MGAT4C: variants seen among roughly 807,000 people sequenced by gnomAD.
MGAT4C encodes MGAT4 family member C, also known as alpha-1,3-mannosyl-glycoprotein 4-beta-N-acetylglucosaminyltransferase C.
Under a neutral mutation model 40.1 loss-of-function variants are expected in MGAT4C, and 19 were observed. That is an observed-to-expected ratio of 0.47 (90% CI 0.33 to 0.70). The LOEUF (loss-of-function observed/expected upper bound fraction) is 0.70. Among genes scored for constraint, MGAT4C ranks in the 30% least tolerant of loss-of-function variants. The pLI, the probability that MGAT4C is intolerant of heterozygous loss-of-function variation, is 0.02. For synonymous variants in MGAT4C, 181 were observed against 187.1 expected, an observed-to-expected ratio of 0.97 and a Z score of 0.27; for missense variants, 491 against 563.2, an observed-to-expected ratio of 0.87 and a Z score of 1.30.
intron 3 of MGAT4C, among the ~76,000 whole-genome samples, chr12:86,363,300 T>C (rs1351388615): frequency 2.6e-5 from 4 of 152,078 alleles, no homozygotes; most frequent in East Asian, 3.8e-4. Flanking sequence ...TTGTAATCAA[T>C]AATAGAAAAT....
intron 2 of MGAT4C, among the ~76,000 whole-genome samples, chr12:86,484,226 G>T (rs945467992): frequency 2.0e-5 from 3 of 152,150 alleles, no homozygotes; most frequent in Non-Finnish European, 4.4e-5. Flanking sequence ...TTCTGAGGTA[G>T]CTGCAGTGGA....
intron 3 of MGAT4C, among the ~76,000 whole-genome samples, chr12:86,414,502 G>T (rs1236373862): frequency 6.6e-6 from 1 of 152,032 alleles, no homozygotes; most frequent in Non-Finnish European, 1.5e-5. Context: ...ACTTTTTATT[G>T]ATTTAGACAA....
At chr12:86,313,941 G>A (rs1010642980) in intron 4 of MGAT4C, among the ~76,000 whole-genome samples, 1 of 152,148 alleles carries the variant, frequency 6.6e-6, no homozygotes, top group Non-Finnish European at 1.5e-5. Context: ...GTAGTAGTTG[G>A]AATTAATTCC....
intron 1 of MGAT4C, among the ~76,000 whole-genome samples, chr12:86,793,539 C>T (rs1246095016): frequency 6.6e-6 from 1 of 151,648 alleles, no homozygotes; most frequent in Non-Finnish European, 1.5e-5. Context: ...CAGATAAAAC[C>T]TAGATGATTT....
rs1273044675 is a variant in MGAT4C at position 86,210,589 on chromosome 12, A to G, written c.-57+45650T>C. Among the ~76,000 whole-genome samples, 4 of 152,356 alleles carry G rather than the reference A, an allele frequency of 2.6e-5. No individual in the cohort carries two copies. The South Asian group carries it at 8.3e-4, about 32-fold the overall frequency. The stretch of plus-strand genomic sequence containing the variant: ...CAATTAGAAATCAGTAAAGTTATCT[A>G]GAAGCACTTATGAAAGAGTTTCAAT... On this transcript the variant is annotated intron_variant, in intron 1 of 4. Coordinates refer to ENST00000611864, the MANE Select transcript of MGAT4C (RefSeq NM_001351288.2).
At chr12:86,500,489 G>GA (rs1405412840) in intron 2 of MGAT4C, among the ~76,000 whole-genome samples, 4 of 151,282 alleles carry the variant, frequency 2.6e-5, no homozygotes, top group Non-Finnish European at 5.9e-5. Context: ...TATATTAAAT[G>GA]AAAAATTTCT....
intron 2 of MGAT4C, among the ~76,000 whole-genome samples, chr12:86,511,821 G>T (rs1958593104): frequency 6.6e-6 from 1 of 152,118 alleles, no homozygotes; most frequent in African/African-American, 2.4e-5. Context: ...AAAGCTTCAT[G>T]ACATTGGTCT....
At chr12:86,603,773 T>C (rs1330987693) in intron 2 of MGAT4C, among the ~76,000 whole-genome samples, 2 of 72,156 alleles carry the variant, frequency 2.8e-5, no homozygotes, top group Non-Finnish European at 5.4e-5. Flanking sequence ...AGTATAATTA[T>C]ATATACTATA....
At chr12:86,020,433 A>T (rs1230563970) in intron 2 of MGAT4C, among the ~76,000 whole-genome samples, 4 of 152,206 alleles carry the variant, frequency 2.6e-5, no homozygotes, top group African/African-American at 9.6e-5. Flanking sequence ...ATAATGCTGC[A>T]TATCTGCAAC....
At chr12:86,621,301 G>T (rs1270499157) in intron 2 of MGAT4C, among the ~76,000 whole-genome samples, 3 of 152,030 alleles carry the variant, frequency 2.0e-5, no homozygotes, top group Non-Finnish European at 4.4e-5. Flanking sequence ...TAGACATCTG[G>T]ACAAAATACT....
At chr12:86,804,362 C>T (rs1395751767) in intron 1 of MGAT4C, among the ~76,000 whole-genome samples, 1 of 147,490 alleles carries the variant, frequency 6.8e-6, no homozygotes, top group Non-Finnish European at 1.5e-5. Flanking sequence ...CACATGTATA[C>T]ATATGTAACT....
At position 86,723,074 on chromosome 12, in the gene MGAT4C, C is replaced by T. The variant is rs117236568; in HGVS notation, c.-229+4135G>A. Among the ~76,000 whole-genome samples, 4 of 152,274 alleles carry T rather than the reference C, an allele frequency of 2.6e-5. No individual in the cohort carries two copies. In the East Asian group the frequency reaches 5.8e-4, roughly 22 times the overall value. ...TGTACAACTATTTTATACATGATAGCCACATCACACAACATTTATTCAGTA... is the reference window on the plus strand; with the variant it reads ...TGTACAACTATTTTATACATGATAGTCACATCACACAACATTTATTCAGTA... On this transcript the variant is annotated intron_variant, in intron 2 of 7. Coordinates refer to the MGAT4C transcript ENST00000548651.
chr12:86,635,657 T>TTGTGTGTGTGTGTGTG (rs71309507), intron 2 of MGAT4C, among the ~76,000 whole-genome samples: 14 of 147,344 alleles, frequency 9.5e-5, no homozygotes, highest in African/African-American at 3.5e-4. Context: ...TCTATATACA[T>TTGTGTGTGTGTGTGTG]TGTGTGTGTG....
At chr12:86,665,267 A>G (rs1964075586) in intron 2 of MGAT4C, among the ~76,000 whole-genome samples, 2 of 152,212 alleles carry the variant, frequency 1.3e-5, no homozygotes, top group Non-Finnish European at 2.9e-5. Flanking sequence ...AATGGGTTTG[A>G]AAAGCAGTCC....
At chr12:86,589,468 A>G (rs1315339000) in intron 2 of MGAT4C, among the ~76,000 whole-genome samples, 1 of 152,044 alleles carries the variant, frequency 6.6e-6, no homozygotes, top group Admixed American at 6.6e-5. Flanking sequence ...GAATTCTACC[A>G]GAGGTACAAG....
chr12:86,333,982 A>G (rs530912374), intron 4 of MGAT4C: 2 of 152,142 alleles, frequency 1.3e-5, no homozygotes, highest in African/African-American at 4.8e-5. Flanking sequence ...ATCTCATTAT[A>G]TATCTTAACA....
chr12:86,683,843 A>G (rs1950024915), intron 2 of MGAT4C, among the ~76,000 whole-genome samples: 2 of 152,138 alleles, frequency 1.3e-5, no homozygotes. Context: ...CTGCACTCAT[A>G]TGCTGCCTTC....
At chr12:86,613,512 C>T (rs1277423148) in intron 2 of MGAT4C, among the ~76,000 whole-genome samples, 1 of 152,066 alleles carries the variant, frequency 6.6e-6, no homozygotes, top group Non-Finnish European at 1.5e-5. Flanking sequence ...TTTCTACAAG[C>T]AAGAGGAAGT....
intron 2 of MGAT4C, among the ~76,000 whole-genome samples, chr12:86,727,039 A>G (rs1374046395): frequency 1.3e-5 from 2 of 152,164 alleles, no homozygotes; most frequent in African/African-American, 4.8e-5. Flanking sequence ...ACATCTTCAA[A>G]TGTATGTTTT....
Sources: allele counts gnomAD v4.1 joint callset (sites outside exome capture counted in the v4.1 genomes callset), GRCh38; gene constraint gnomAD v4.1.1; transcripts MANE v1.5; gene names NCBI Gene and HGNC (gene_info 2026-07-23, HGNC 2026-07-21).